Variants in PPIL2 observed in about 807,000 individuals in gnomAD.
The protein encoded by PPIL2 is RING-type E3 ubiquitin-protein ligase PPIL2.
PPIL2 carries 50 observed loss-of-function variants against 75.2 expected under a neutral mutation model. The observed-to-expected ratio is 0.66, with a 90% confidence interval of 0.53 to 0.84. The LOEUF is 0.84. Ranked by LOEUF, PPIL2 falls within the 40% of genes least tolerant of loss-of-function variation. The probability of loss-of-function intolerance (pLI) is 0.00; values close to 1 mark genes in which losing one functional copy is unlikely to be tolerated. For missense variants in PPIL2, 590 were observed against 685.0 expected (o/e 0.86, Z 1.55); for synonymous variants, 245 against 258.8 (o/e 0.95, Z 0.51).
chr22:21,686,659 C>G, intron 11 of PPIL2, 101 bp downstream of exon 11: 1 of 1,237,352 alleles, frequency 8.1e-7, no homozygotes, highest in Non-Finnish European at 1.2e-6. Flanking sequence ...TCAGGGGCTC[C>G]CACTGTCACC....
rs1188677496 is a variant in PPIL2 at position 21,694,573 on chromosome 22, CCT to C, written c.1197-17_1197-16del. 20 of 1,613,416 alleles carry C rather than the reference CCT, an allele frequency of 1.2e-5. No homozygotes were observed. The highest frequency in any genetic ancestry group is 1.7e-4 in the Middle Eastern group (1 of 6,046). ...CCCTCCTTGAGCACACGCAGACCCA[CCT>C]CTGTCTCCCTGCTGCAGGGTTGTTG... On this transcript the variant is annotated intron_variant, in intron 16 of 19. Coordinates refer to ENST00000398831, the MANE Select transcript of PPIL2 (RefSeq NM_014337.4).
chr22:21,670,876 C>A (rs2148502151), intron 3 of PPIL2, 121 bp from the exon 4 acceptor site: 1 of 1,023,068 alleles, frequency 9.8e-7, no homozygotes, highest in Non-Finnish European at 1.6e-6. Flanking sequence ...GGGAGGTGGC[C>A]AGGCTGCCCA....
intron 6 of PPIL2, among the ~76,000 whole-genome samples, chr22:21,676,505 TGCG>T (rs1185960957): frequency 6.6e-6 from 1 of 151,770 alleles, no homozygotes; most frequent in Non-Finnish European, 1.5e-5. Flanking sequence ...CAGAGGACCC[TGCG>T]GCCTTCTGCA....
intron 5 of PPIL2, among the ~76,000 whole-genome samples, chr22:21,674,172 T>C (rs73382370): frequency 0.021 from 3,229 of 152,232 alleles, 47 homozygotes; most frequent in African/African-American, 0.038. Context: ...AGCTGCTGGA[T>C]TGTGGCCCTG....
intron 12 of PPIL2, 84 bp from the exon 13 acceptor site, chr22:21,687,559 A>AT: frequency 2.6e-6 from 2 of 774,476 alleles, no homozygotes; most frequent in African/African-American, 3.6e-5. Flanking sequence ...TCAAAAAAAA[A>AT]AAAAAAAAAA....
In PPIL2 at chr22:21,670,490, T is replaced by G. The variant is rs1036133030; in HGVS notation, c.83-76T>G. The G allele has an allele frequency of 4.0e-6, 6 of 1,506,146 alleles. No individual in the cohort carries two copies. The Admixed American group carries it at 5.2e-5, about 13-fold the overall frequency. 93.3% of individuals were successfully genotyped at this position (1,506,146 alleles called of 1,614,324 possible). A position where few individuals can be genotyped will look rare whatever the true frequency, so the allele number is the denominator to read the frequency against. On this transcript the variant is annotated intron_variant, in intron 2 of 19. Transcript: ENST00000398831. The stretch of plus-strand genomic sequence containing the variant: ...CATGAACTTTTTCATAAGCTGTAAC[T>G]GAATTGCTAGCAGGTGCACATAGAT...
At chr22:21,694,250 C>A (rs1348236259) in intron 16 of PPIL2, among the ~76,000 whole-genome samples, 1 of 152,100 alleles carries the variant, frequency 6.6e-6, no homozygotes, top group Non-Finnish European at 1.5e-5. Flanking sequence ...GGAAGCAGCA[C>A]GAAACAGGGT....
At chr22:21,670,295 T>C in intron 2 of PPIL2, 1 of 1,462,270 alleles carries the variant, frequency 6.8e-7, no homozygotes, top group Non-Finnish European at 9.1e-7. Context: ...GATAATATTT[T>C]CAGCTGTCAA....
chr22:21,694,471 T>C lies in PPIL2; in HGVS notation c.1197-122T>C, dbSNP rs112255205. 8.5e-3 allele frequency: 9,136 copies of C among 1,074,518 alleles called. 497 individuals carry two copies. The African/African-American group carries it at 0.12, about 14-fold the overall frequency. 66.6% of individuals were successfully genotyped at this position (1,074,518 alleles called of 1,614,324 possible). On this transcript the variant is annotated intron_variant, in intron 16 of 19. Coordinates refer to ENST00000398831, the MANE Select transcript of PPIL2 (RefSeq NM_014337.4). ...TCCCTCTCATCGCCTTCCTGGCTGC[T>C]GCCCAAGGACCACCAGGCCAGCCTC...
At chr22:21,682,876 C>T (rs1049179702) in intron 8 of PPIL2, among the ~76,000 whole-genome samples, 17 of 152,242 alleles carry the variant, frequency 1.1e-4, no homozygotes, top group Admixed American at 3.9e-4. Context: ...GGTCGGCCCA[C>T]GGCTGCCCAC....
In PPIL2 at chr22:21,694,834, C is replaced by T; in HGVS notation, c.1332+17C>T. ...GATGCCCAGGTGAGGGGGCACGATGCCACCACCTAGGAGGGTCTGGGCTAG... is the reference window on the plus strand; with the variant it reads ...GATGCCCAGGTGAGGGGGCACGATGTCACCACCTAGGAGGGTCTGGGCTAG... On this transcript the variant is annotated intron_variant, in intron 18 of 19. Transcript: ENST00000398831. The T allele has an allele frequency of 3.1e-6, 5 of 1,591,894 alleles. No individual in the cohort carries two copies. The highest frequency in any genetic ancestry group is 4.3e-6 in the Non-Finnish European group (5 of 1,166,634).
chr22:21,682,606 CGT>C, intron 8 of PPIL2, 80 bp downstream of exon 8: 1 of 711,532 alleles, frequency 1.4e-6, no homozygotes, highest in Non-Finnish European at 2.0e-6. Flanking sequence ...CCTACCCCCA[CGT>C]CAGGGCCCCT....
chr22:21,688,819 A>T lies in PPIL2; in HGVS notation c.1109A>T (p.Asn370Ile). 1 of 1,614,032 alleles carries T rather than the reference A, an allele frequency of 6.2e-7. No individual in the cohort carries two copies. The highest frequency in any genetic ancestry group is 1.1e-5 in the South Asian group (1 of 91,082). ...GGCCGCGGCATCCTCAGCATGGCCA[A>T]CTCCGGGCCCAACAGCAACAGGTCT... ...HTGRGILSMA[N>I]SGPNSNRSQF... Residue 370 changes from asparagine to isoleucine, a missense_variant, in exon 15 of 20, where the codon AAC becomes ATC. Asn to Ile is a moderately radical substitution (Grantham distance 149, BLOSUM62 -3). Coordinates refer to ENST00000398831, the MANE Select transcript of PPIL2 (RefSeq NM_014337.4).
At chr22:21,675,244 A>C in intron 6 of PPIL2, 129 bp downstream of exon 6, 1 of 894,486 alleles carries the variant, frequency 1.1e-6, no homozygotes, top group Non-Finnish European at 1.8e-6. Context: ...AATTCCGCAA[A>C]AAGTGTCACA....
intron 2 of PPIL2, 51 bp downstream of exon 2, chr22:21,670,013 C>G: frequency 6.5e-7 from 1 of 1,543,340 alleles, no homozygotes; most frequent in Non-Finnish European, 9.0e-7. Flanking sequence ...TATTAAGGAA[C>G]TGTGTCTTCA....
At chr22:21,670,714 C>T in intron 3 of PPIL2, 103 bp downstream of exon 3, 2 of 1,279,426 alleles carry the variant, frequency 1.6e-6, no homozygotes, top group South Asian at 1.2e-5. Flanking sequence ...AAAAGTGTGC[C>T]TTGAAGATGT....
Position 21,672,358 on chromosome 22 carries a change from G to A in PPIL2, c.220G>A (p.Gly74Arg), listed in dbSNP as rs2066667771. The change falls in exon 5 of 20, where the codon GGG (glycine) becomes AGG (arginine). Residue 74 changes from glycine to arginine, a missense_variant. By Grantham distance (125) the Gly-to-Arg change is moderately radical (BLOSUM62 -2). Coordinates refer to ENST00000398831, the MANE Select transcript of PPIL2 (RefSeq NM_014337.4). Reference protein sequence around the residue: ...LNIVPWLKKYGTNPSNGEKLD... With the variant: ...LNIVPWLKKYRTNPSNGEKLD... ...CATTGTTCCATGGCTTAAGAAGTAC[G>A]GGACCAACCCCAGCAATGGAGAGGT... is the stretch of plus-strand genomic sequence containing the variant. 1.2e-6 allele frequency: 2 copies of A among 1,612,226 alleles called. No homozygotes were observed. The highest frequency in any genetic ancestry group is 1.7e-6 in the Non-Finnish European group (2 of 1,178,308).
Position 21,697,819 on chromosome 22 carries a change from C to CTTAA in PPIL2, c.*2332_*2335dup, listed in dbSNP as rs759790167. The CTTAA allele has an allele frequency of 6.6e-6, 1 of 152,316 alleles. No individual in the cohort carries two copies. The highest frequency in any genetic ancestry group is 2.4e-5 in the African/African-American group (1 of 41,450). The allele number at this position is 152,316 out of a possible 1,614,324, so 9.4% of individuals were successfully genotyped here. A position where few individuals can be genotyped will look rare whatever the true frequency, so the allele number is the denominator to read the frequency against. On this transcript the variant is annotated 3_prime_UTR_variant, in exon 20 of 20. Transcript: ENST00000398831. ...TTTCTGTAGTTTGTTTGTTTTAGAG[C>CTTAA]TTAATTTGTAGTTTTTTAGCTATTA...
At chr22:21,679,440 A>G (rs1481840159) in intron 6 of PPIL2, among the ~76,000 whole-genome samples, 1 of 148,226 alleles carries the variant, frequency 6.7e-6, no homozygotes, top group African/African-American at 2.5e-5. Context: ...TCTCTACAAA[A>G]TGAAACCTAA....
Sources: gnomAD v4.1 joint callset for allele counts (sites outside exome capture counted in the v4.1 genomes callset) on GRCh38, gnomAD v4.1.1 for gene constraint, MANE v1.5 for transcripts, NCBI Gene and HGNC (gene_info 2026-07-23, HGNC 2026-07-21) for gene names.